The following SLC35F1 variants were observed in gnomAD, a reference collection of about 807,000 sequenced individuals.
SLC35F1 encodes chromosome 6 open reading frame 169.
SLC35F1 carries 14 observed loss-of-function variants against 48.7 expected under a neutral mutation model. The ratio of observed to expected loss-of-function variants is 0.29; its 90% CI spans 0.19 to 0.45. The LOEUF is 0.45. Ranked by LOEUF, SLC35F1 falls within the 20% of genes least tolerant of loss-of-function variation. SLC35F1 has a pLI of 1.00. For missense variants in SLC35F1, 404 were observed against 500.0 expected (o/e 0.81, Z 1.83); for synonymous variants, 190 against 202.2 (o/e 0.94, Z 0.51).
intron 2 of SLC35F1, among the ~76,000 whole-genome samples, chr6:118,182,225 C>G (rs1195006294): frequency 6.6e-6 from 1 of 152,054 alleles, no homozygotes; most frequent in African/African-American, 2.4e-5. Context: ...GTGGCTCATG[C>G]CTGTAATCCC....
chr6:118,149,011 C>T (rs1582694858), intron 1 of SLC35F1, among the ~76,000 whole-genome samples: 1 of 152,174 alleles, frequency 6.6e-6, no homozygotes, highest in African/African-American at 2.4e-5. Context: ...TAAATTTGTT[C>T]ACTCTTTCAT....
At chr6:118,013,274 T>A (rs1470500060) in intron 1 of SLC35F1, among the ~76,000 whole-genome samples, 1 of 152,134 alleles carries the variant, frequency 6.6e-6, no homozygotes, top group Admixed American at 6.5e-5. Flanking sequence ...AGGTGCCAGT[T>A]TTCTGTGTAT....
At chr6:118,261,029 A>C (rs1775705567) in intron 3 of SLC35F1, among the ~76,000 whole-genome samples, 1 of 152,176 alleles carries the variant, frequency 6.6e-6, no homozygotes, top group Admixed American at 6.5e-5. Flanking sequence ...TGATGATGCA[A>C]TATTTTTGAC....
At chr6:117,930,908 A>G (rs559136401) in intron 1 of SLC35F1, among the ~76,000 whole-genome samples, 2 of 152,334 alleles carry the variant, frequency 1.3e-5, no homozygotes, top group South Asian at 4.1e-4. Flanking sequence ...TTCCGGAAGG[A>G]ACAGGCACAG....
chr6:118,014,146 TATA>T (rs1296162879), intron 1 of SLC35F1, among the ~76,000 whole-genome samples: 4 of 152,194 alleles, frequency 2.6e-5, no homozygotes, highest in African/African-American at 9.7e-5. Context: ...GCAAAATGGG[TATA>T]ATAATATTTA....
intron 1 of SLC35F1, among the ~76,000 whole-genome samples, chr6:117,952,916 A>G (rs1055365827): frequency 2.6e-5 from 4 of 152,330 alleles, no homozygotes; most frequent in African/African-American, 9.6e-5. Flanking sequence ...TCAACAAAAA[A>G]TTATTTCAAA....
intron 1 of SLC35F1, among the ~76,000 whole-genome samples, chr6:117,988,006 C>A (rs907983148): frequency 1.3e-5 from 2 of 152,118 alleles, no homozygotes; most frequent in African/African-American, 2.4e-5. Context: ...GATGACCAGG[C>A]TTTCTAGCTC....
chr6:117,997,277 A>G (rs1777008375), intron 1 of SLC35F1, among the ~76,000 whole-genome samples: 1 of 152,256 alleles, frequency 6.6e-6, no homozygotes, highest in African/African-American at 2.4e-5. Context: ...GACTATGTGA[A>G]AAGATCAAAT....
chr6:117,994,210 C>A (rs1188317006), intron 1 of SLC35F1, among the ~76,000 whole-genome samples: 4 of 151,996 alleles, frequency 2.6e-5, no homozygotes, highest in African/African-American at 7.3e-5. Context: ...TTGCCCCCCC[C>A]ATCCTCAACA....
At chr6:118,050,229 G>C (rs79611965) in intron 1 of SLC35F1, among the ~76,000 whole-genome samples, 8 of 152,010 alleles carry the variant, frequency 5.3e-5, no homozygotes, top group South Asian at 4.2e-4. Context: ...GTGGGAGGAG[G>C]GGGGAGGGAT....
intron 1 of SLC35F1, among the ~76,000 whole-genome samples, chr6:118,112,187 GGCACGATCTCGGCTCACTGAAAC>G (rs1307428396): frequency 6.6e-6 from 1 of 150,734 alleles, no homozygotes; most frequent in African/African-American, 2.5e-5. Flanking sequence ...GGAGTGCAGT[GGCACGATCTCGGCTCACTGAAAC>G]CTCCACCTCC....
chr6:118,086,589 G>A (rs914771096), intron 1 of SLC35F1, among the ~76,000 whole-genome samples: 5 of 152,184 alleles, frequency 3.3e-5, no homozygotes, highest in Non-Finnish European at 7.3e-5. Flanking sequence ...TGCAGCTACT[G>A]TTTGGGAACA....
At chr6:118,291,357 T>G (rs1776121051) in intron 7 of SLC35F1, among the ~76,000 whole-genome samples, 1 of 152,138 alleles carries the variant, frequency 6.6e-6, no homozygotes, top group African/African-American at 2.4e-5. Context: ...AAGTCTATTT[T>G]GGGGAAAAAG....
chr6:118,300,878 T>A (rs1414287639), intron 7 of SLC35F1, among the ~76,000 whole-genome samples: 1 of 152,206 alleles, frequency 6.6e-6, no homozygotes, highest in African/African-American at 2.4e-5. Flanking sequence ...GTGACTGAAT[T>A]TAATTAGAAT....
intron 2 of SLC35F1, among the ~76,000 whole-genome samples, chr6:118,210,262 T>G (rs1426236790): frequency 6.6e-6 from 1 of 152,158 alleles, no homozygotes; most frequent in African/African-American, 2.4e-5. Context: ...TTTCAACAAT[T>G]AAGAATTGTC....
chr6:118,308,517 A>G (rs1190496759), intron 7 of SLC35F1, among the ~76,000 whole-genome samples: 3 of 152,142 alleles, frequency 2.0e-5, no homozygotes, highest in Non-Finnish European at 4.4e-5. Context: ...ACTGCCAGGT[A>G]TTTTCCTGCT....
chr6:118,193,181 A>G (rs968724067), intron 2 of SLC35F1, among the ~76,000 whole-genome samples: 6 of 152,196 alleles, frequency 3.9e-5, no homozygotes, highest in Non-Finnish European at 5.9e-5. Flanking sequence ...TTAGTGTACT[A>G]TTAATGTCAA....
At chr6:118,298,225 C>G (rs1776215326) in intron 7 of SLC35F1, among the ~76,000 whole-genome samples, 1 of 152,122 alleles carries the variant, frequency 6.6e-6, no homozygotes, top group African/African-American at 2.4e-5. Context: ...TGCAAATGGA[C>G]TAATACACAG....
chr6:118,154,357 G>A, intron 1 of SLC35F1, 88 bp from the exon 2 acceptor site: 3 of 1,128,448 alleles, frequency 2.7e-6, no homozygotes, highest in Non-Finnish European at 3.8e-6. Flanking sequence ...TCCAGTGCAT[G>A]CTACCAGTGC....
Sources: allele counts gnomAD v4.1 joint callset (sites outside exome capture counted in the v4.1 genomes callset), GRCh38; gene constraint gnomAD v4.1.1; transcripts MANE v1.5; gene names NCBI Gene and HGNC (gene_info 2026-07-23, HGNC 2026-07-21).